Variants in PIK3C2G observed in about 807,000 individuals in gnomAD.
The protein encoded by PIK3C2G is phosphatidylinositol-4-phosphate 3-kinase catalytic subunit type 2 gamma.
In PIK3C2G, 168 loss-of-function variants were observed where a neutral mutation model predicts 181.1. The observed-to-expected ratio is 0.93, with a 90% CI of 0.82 to 1.05. The LOEUF is 1.05. Ranked by LOEUF, PIK3C2G falls within the 50% of genes least tolerant of loss-of-function variation. The pLI, the probability that PIK3C2G is intolerant of heterozygous loss-of-function variation, is 0.00. For synonymous variants in PIK3C2G, 573 were observed against 592.2 expected (o/e 0.97, Z 0.47); for missense variants, 1,869 against 1,732.8 (o/e 1.08, Z -1.40).
chr12:18,265,403 T>C (rs1303318816), intron 1 of PIK3C2G, among the ~76,000 whole-genome samples: 1 of 152,190 alleles, frequency 6.6e-6, no homozygotes, highest in African/African-American at 2.4e-5. Flanking sequence ...AAGCTAAATA[T>C]ATATAGTATA....
chr12:18,634,228 G>C (rs1949489954), intron 31 of PIK3C2G, among the ~76,000 whole-genome samples: 1 of 152,144 alleles, frequency 6.6e-6, no homozygotes, highest in African/African-American at 2.4e-5. Context: ...TGTGATGTGA[G>C]TCCCATAATC....
In PIK3C2G at chr12:18,346,751, A is replaced by C; in HGVS notation, c.1540A>C (p.Thr514Pro). The change falls in exon 11 of 33, where the codon ACT becomes CCT. Residue 514 changes from threonine to proline, a missense_variant. Physicochemically the swap from Thr to Pro is conservative, Grantham distance 38. Coordinates refer to ENST00000538779, the MANE Select transcript of PIK3C2G (RefSeq NM_001288772.2). The stretch of plus-strand genomic sequence containing the variant: ...TCAGCCTGTAAATGTACCTAGATGC[A>C]CTTCCTATCTAAATCCCGGGCTTCC... The part of the protein sequence containing the change: ...DFQPVNVPRC[T>P]SYLNPGLPSH... The C allele has an allele frequency of 6.2e-7, 1 of 1,613,648 alleles. No individual in the cohort carries two copies.
chr12:18,609,783 G>T (rs1004574408), intron 31 of PIK3C2G, among the ~76,000 whole-genome samples, 154 bp downstream of exon 31: 41 of 151,956 alleles, frequency 2.7e-4, no homozygotes, highest in African/African-American at 9.4e-4. Context: ...TTTTTGCCTC[G>T]GGATGATTGT....
the PIK3C2G span, among the ~76,000 whole-genome samples, chr12:18,721,609 T>C: frequency 1.3e-5 from 2 of 152,032 alleles, no homozygotes; most frequent in Non-Finnish European, 2.9e-5. Context: ...TCAGTGCTAC[T>C]TAAAGTGCTC....
In PIK3C2G at chr12:18,399,674, GA is replaced by G. The variant is rs1944131336; in HGVS notation, c.2146del (p.Arg716AspfsTer19). 1 of 1,559,536 alleles carries G rather than the reference GA, an allele frequency of 6.4e-7. No homozygotes were observed. Among genetic ancestry groups the G allele is most frequent in the African/African-American group, 1.4e-5 (1 of 73,922 alleles). On this transcript the variant is annotated frameshift_variant, in exon 16 of 33. Transcript: ENST00000538779. LOFTEE classifies it high-confidence loss of function. The part of the protein sequence containing the change: ...QTPLLLSEEK[K>X]RYLWFYRFYC... ...GGTTTTTCAGACTCTCTGAAGAAAA[GA>G]AAAGATATTTATGGTTTTATCGCTT...
At chr12:18,276,644 A>G (rs143023456) in intron 1 of PIK3C2G, among the ~76,000 whole-genome samples, 1 of 152,190 alleles carries the variant, frequency 6.6e-6, no homozygotes, top group Non-Finnish European at 1.5e-5. Flanking sequence ...TATTAAAGTT[A>G]TTCCTATATT....
chr12:18,608,930 C>A (rs1483856807), intron 30 of PIK3C2G, among the ~76,000 whole-genome samples: 1 of 151,902 alleles, frequency 6.6e-6, no homozygotes, highest in African/African-American at 2.4e-5. Flanking sequence ...AATGAATGTC[C>A]TAGTAGTTTA....
intron 29 of PIK3C2G, among the ~76,000 whole-genome samples, chr12:18,569,617 C>G (rs185047516): frequency 6.6e-6 from 1 of 152,200 alleles, no homozygotes; most frequent in Admixed American, 6.5e-5. Context: ...ACTCAGTATC[C>G]CCATGTTGTT....
intron 29 of PIK3C2G, among the ~76,000 whole-genome samples, chr12:18,568,637 T>C (rs553776090): frequency 1.3e-5 from 2 of 152,024 alleles, no homozygotes; most frequent in Admixed American, 1.3e-4. Flanking sequence ...TTATGAAGAG[T>C]AATATGTTTT....
the PIK3C2G span, among the ~76,000 whole-genome samples, chr12:18,655,700 T>C: frequency 0.79 from 119,934 of 151,456 alleles, 47,546 homozygotes; most frequent in Admixed American, 0.82. Flanking sequence ...AAAGTGGCAC[T>C]TTACCTCTGA....
At chr12:18,430,117 C>T (rs1300240856) in intron 18 of PIK3C2G, among the ~76,000 whole-genome samples, 3 of 152,182 alleles carry the variant, frequency 2.0e-5, no homozygotes, top group African/African-American at 7.2e-5. Context: ...GAAATTCTGC[C>T]TCATGTCCTG....
chr12:18,681,168 G>A, the PIK3C2G span, among the ~76,000 whole-genome samples: 1 of 151,936 alleles, frequency 6.6e-6, no homozygotes, highest in Non-Finnish European at 1.5e-5. Flanking sequence ...TGAGCTCCAC[G>A]GCAGCTCCTA....
At chr12:18,685,009 C>T in the PIK3C2G span, among the ~76,000 whole-genome samples, 2 of 151,970 alleles carry the variant, frequency 1.3e-5, no homozygotes, top group Non-Finnish European at 2.9e-5. Flanking sequence ...TGAGGCCTCC[C>T]CAGCCATGAG....
At chr12:18,593,269 C>T (rs1477828806) in intron 29 of PIK3C2G, among the ~76,000 whole-genome samples, 3 of 151,746 alleles carry the variant, frequency 2.0e-5, no homozygotes, top group Non-Finnish European at 2.9e-5. Context: ...CTTTAAGATA[C>T]GAATTTGGGA....
chr12:18,681,691 G>A, the PIK3C2G span, among the ~76,000 whole-genome samples: 33 of 152,086 alleles, frequency 2.2e-4, no homozygotes, highest in South Asian at 1.0e-3. Context: ...CGCAAAGTCC[G>A]TATTCCTAAT....
At chr12:18,307,559 A>G (rs1026617531) in intron 5 of PIK3C2G, among the ~76,000 whole-genome samples, 1 of 151,848 alleles carries the variant, frequency 6.6e-6, no homozygotes, top group Non-Finnish European at 1.5e-5. Context: ...AAGCATTGTA[A>G]TTCCCAGTGT....
chr12:18,338,436 A>G lies in PIK3C2G; in HGVS notation c.1283A>G (p.Tyr428Cys). The change falls in exon 9 of 33, where the codon TAT (tyrosine) becomes TGT (cysteine). Residue 428 changes from tyrosine (Y) to cysteine (C), a missense_variant. Transcript: ENST00000538779. ...TCTTGTTATCTACAGGAAAACGTGT[A>G]TAATATTATTGAAGAAGTTAAAAAA... is the stretch of plus-strand genomic sequence containing the variant. Reference protein sequence around the residue: ...KYLLKTQENVYNIIEEVKKIC... With the variant: ...KYLLKTQENVCNIIEEVKKIC... 4.5e-6 allele frequency: 7 copies of G among 1,565,286 alleles called. No homozygotes were observed. Among genetic ancestry groups the G allele is most frequent in the Non-Finnish European group, 6.1e-6 (7 of 1,139,516 alleles).
chr12:18,694,911 C>T, the PIK3C2G span: 4 of 1,585,044 alleles, frequency 2.5e-6, no homozygotes, highest in Admixed American at 1.7e-5. Flanking sequence ...TAATCTTACC[C>T]TTATTGTAAG....
chr12:18,693,156 G>C, the PIK3C2G span: 2 of 1,536,806 alleles, frequency 1.3e-6, no homozygotes, highest in Non-Finnish European at 1.8e-6. Context: ...GTCTACATCT[G>C]TGGGCTCAGA....
Sources: allele counts gnomAD v4.1 joint callset (sites outside exome capture counted in the v4.1 genomes callset), GRCh38; gene constraint gnomAD v4.1.1; transcripts MANE v1.5; gene names NCBI Gene and HGNC (gene_info 2026-07-23, HGNC 2026-07-21).